Variants in FAM186A observed in about 807,000 individuals in gnomAD.
FAM186A encodes the protein protein FAM186A.
Under a neutral mutation model 216.8 loss-of-function variants are expected in FAM186A, and 163 were observed. That is an observed-to-expected ratio of 0.75 (90% confidence interval 0.66 to 0.86). The LOEUF (loss-of-function observed/expected upper bound fraction) is 0.86. Among genes scored for constraint, FAM186A ranks in the 40% least tolerant of loss-of-function variants. The pLI is 0.00. For missense variants in FAM186A, 2,184 were observed against 2,746.2 expected, an observed-to-expected ratio of 0.80 and a Z score of 4.58; for synonymous variants, 805 against 1,025.3, an observed-to-expected ratio of 0.79 and a Z score of 4.10.
rs71083561 is a variant in FAM186A at position 50,394,732 on chromosome 12, C to CTTTTTTTTTTTTTTTTTTTTTT, written c.192+1539_192+1560dup. On this transcript the variant is annotated intron_variant, in intron 1 of 7. Coordinates refer to ENST00000327337, the MANE Select transcript of FAM186A (RefSeq NM_001145475.3). ...TGAGCCACTGTGCCTGGCTAACACT[C>CTTTTTTTTTTTTTTTTTTTTTT]TTTTTTTTTTTTTTTTTTTTTTTTT... Among the ~76,000 whole-genome samples the CTTTTTTTTTTTTTTTTTTTTTT allele has an allele frequency of 8.8e-4, 26 of 29,410 alleles. 2 individuals are homozygous for CTTTTTTTTTTTTTTTTTTTTTT. The highest frequency in any genetic ancestry group is 1.0e-3 in the Non-Finnish European group (18 of 17,738). The allele number at this position is 29,410 out of a possible 152,430, so 19.3% of individuals were successfully genotyped here.
intron 4 of FAM186A, among the ~76,000 whole-genome samples, chr12:50,337,295 T>A (rs1240949816): frequency 7.1e-6 from 1 of 141,458 alleles, no homozygotes; most frequent in Non-Finnish European, 1.5e-5. Flanking sequence ...AATTCTTTTT[T>A]TTTTTTTTTT....
intron 3 of FAM186A, among the ~76,000 whole-genome samples, chr12:50,360,130 G>C (rs1943017752): frequency 6.6e-6 from 1 of 151,680 alleles, no homozygotes; most frequent in South Asian, 2.1e-4. Context: ...TGTAATCCCA[G>C]CTACTCGGGG....
At chr12:50,365,713 C>T (rs1299841947) in intron 1 of FAM186A, 6 of 748,708 alleles carry the variant, frequency 8.0e-6, no homozygotes, top group Admixed American at 6.9e-5. Context: ...CATTTCAATA[C>T]ACCTTCCCAC....
intron 4 of FAM186A, 84 bp from the exon 5 acceptor site, chr12:50,334,187 TGAGACGGAG>T: frequency 1.7e-6 from 2 of 1,171,062 alleles, no homozygotes; most frequent in Non-Finnish European, 1.2e-6. Context: ...TTTTTTTTTT[TGAGACGGAG>T]TTTCGATCTT....
At position 50,355,239 on chromosome 12, in the gene FAM186A, CTT is replaced by C; in HGVS notation, c.1591_1592del (p.Lys531GlufsTer17). The C allele has an allele frequency of 6.4e-7, 1 of 1,551,654 alleles. No homozygotes were observed. The highest frequency in any genetic ancestry group is 1.2e-5 in the South Asian group (1 of 84,060). ...TTGTTCCACTTTTGCCACCTTGGCT[CTT>C]TGTTTCAGTTAAAGAGAGATGTTTT... ...KRKHLSLTET[K>X]SQGGKSGTSM... On this transcript the variant is annotated frameshift_variant, in exon 4 of 8. Transcript: ENST00000327337. LOFTEE classifies it high-confidence loss of function.
intron 1 of FAM186A, among the ~76,000 whole-genome samples, chr12:50,392,199 CTT>C: frequency 6.6e-6 from 1 of 152,246 alleles, no homozygotes; most frequent in Middle Eastern, 3.4e-3. Context: ...CATGAAGAAA[CTT>C]TTGGGGGAAA....
Position 50,356,089 on chromosome 12 carries a change from G to C in FAM186A, c.743C>G (p.Thr248Arg), listed in dbSNP as rs1056508166. Residue 248 changes from threonine (T) to arginine (R), a missense_variant, in exon 4 of 8, where the codon ACA becomes AGA. Physicochemically the swap from Thr to Arg is moderately conservative, Grantham distance 71. Around this residue, in one of 7 missense-constraint regions of FAM186A, gnomAD observed 1,132 missense variants for 1,263.4 expected, o/e 0.90. Coordinates refer to ENST00000327337, the MANE Select transcript of FAM186A (RefSeq NM_001145475.3). The part of the protein sequence containing the change: ...QGMLQELIGT[T>R]MFSTLENNAI... ...ATTGTTTTCCAATGTACTGAACATT[G>C]TGGTGCCTATGAGTTCCTGTAGCAT... 9.0e-6 allele frequency: 14 copies of C among 1,551,554 alleles called. No individual in the cohort carries two copies. Among genetic ancestry groups the C allele is most frequent in the Non-Finnish European group, 1.2e-5 (14 of 1,146,960 alleles).
In FAM186A at chr12:50,350,365, C is replaced by T. The variant is rs188924857; in HGVS notation, c.6467G>A (p.Arg2156His). ...GATCAGCCTATAGGCAATGTACTTG[C>T]GGAATAAGTATCCCAACTGAACTGT... Reference protein sequence around the residue: ...MDTVQLGYLFRKYIAYRLIQH... With the variant: ...MDTVQLGYLFHKYIAYRLIQH... The change falls in exon 4 of 8, where the codon CGC becomes CAC. Residue 2156 changes from arginine (R) to histidine (H), a missense_variant. Physicochemically the swap from Arg to His is conservative, Grantham distance 29. Transcript: ENST00000327337. The T allele has an allele frequency of 2.6e-5, 40 of 1,550,416 alleles. 1 individual carries two copies. The highest frequency in any genetic ancestry group is 1.7e-4 in the Middle Eastern group (1 of 5,990).
At chr12:50,374,604 T>C (rs1223708360) in intron 1 of FAM186A, among the ~76,000 whole-genome samples, 1 of 152,228 alleles carries the variant, frequency 6.6e-6, no homozygotes, top group Non-Finnish European at 1.5e-5. Context: ...TCATTCATGA[T>C]TTCTAAAAGA....
At position 50,373,065 on chromosome 12, in the gene FAM186A, AAGAAAGAAAG is replaced by A. The variant is rs1347830820; in HGVS notation, c.193-9711_193-9702del. On this transcript the variant is annotated intron_variant, in intron 1 of 7. Coordinates refer to ENST00000327337, the MANE Select transcript of FAM186A (RefSeq NM_001145475.3). ...AAAGAAAGAAAGAAAGAAAGAAAGA[AAGAAAGAAAG>A]AGAAAAGAAAGAAAGAAAGAAAAGA... Among the ~76,000 whole-genome samples, 203 of 143,696 alleles carry A rather than the reference AAGAAAGAAAG, an allele frequency of 1.4e-3. 1 individual carries two copies. Among genetic ancestry groups the A allele is most frequent in the Non-Finnish European group, 2.3e-3 (148 of 65,342 alleles). 94.3% of individuals were successfully genotyped at this position (143,696 alleles called of 152,430 possible). A position where few individuals can be genotyped will look rare whatever the true frequency, so the allele number is the denominator to read the frequency against.
chr12:50,333,868 G>C, intron 5 of FAM186A, 43 bp downstream of exon 5: 1 of 1,505,744 alleles, frequency 6.6e-7, no homozygotes, highest in Non-Finnish European at 8.9e-7. Flanking sequence ...CCACTTTCAT[G>C]TTTTTACAAC....
At chr12:50,337,881 C>G (rs990099383) in intron 4 of FAM186A, among the ~76,000 whole-genome samples, 1 of 149,356 alleles carries the variant, frequency 6.7e-6, no homozygotes, top group South Asian at 2.2e-4. Context: ...GGCGACAGAG[C>G]AAGACTTCGT....
chr12:50,386,025 G>C (rs780804226), intron 1 of FAM186A, among the ~76,000 whole-genome samples: 1 of 152,146 alleles, frequency 6.6e-6, no homozygotes, highest in Non-Finnish European at 1.5e-5. Context: ...TTAGACAGGA[G>C]AAATAAGTTC....
intron 4 of FAM186A, among the ~76,000 whole-genome samples, chr12:50,349,207 A>C (rs1592605794): frequency 2.1e-5 from 3 of 143,258 alleles, no homozygotes; most frequent in African/African-American, 2.6e-5. Flanking sequence ...TATGGTAACC[A>C]TCCTTCTCTT....
intron 3 of FAM186A, among the ~76,000 whole-genome samples, chr12:50,359,669 A>G (rs754251681): frequency 6.6e-6 from 1 of 152,242 alleles, no homozygotes; most frequent in Non-Finnish European, 1.5e-5. Context: ...ATGGGTAAAC[A>G]AAATGTGGTA....
chr12:50,356,618 A>G (rs916245086), intron 3 of FAM186A, among the ~76,000 whole-genome samples: 1 of 152,172 alleles, frequency 6.6e-6, no homozygotes, highest in Non-Finnish European at 1.5e-5. Context: ...GCAATCACCT[A>G]GAACTTCTGC....
intron 1 of FAM186A, among the ~76,000 whole-genome samples, chr12:50,373,999 T>C (rs185270415): frequency 6.6e-6 from 1 of 151,976 alleles, no homozygotes; most frequent in Non-Finnish European, 1.5e-5. Flanking sequence ...ATGTCCTTTA[T>C]AAGGACATGG....
intron 4 of FAM186A, among the ~76,000 whole-genome samples, chr12:50,345,997 C>CAAAA (rs35925338): frequency 0.073 from 8,807 of 120,498 alleles, 406 homozygotes; most frequent in African/African-American, 0.098. Flanking sequence ...GACTTTGCCT[C>CAAAA]AAAAAAAAAA....
intron 1 of FAM186A, among the ~76,000 whole-genome samples, chr12:50,368,018 G>A (rs1353510430): frequency 6.6e-6 from 1 of 151,810 alleles, no homozygotes; most frequent in Non-Finnish European, 1.5e-5. Context: ...GATGGTGGGT[G>A]TTTGTAATCC....
Sources: gnomAD v4.1 joint callset for allele counts (sites outside exome capture counted in the v4.1 genomes callset) on GRCh38, gnomAD v4.1.1 for gene constraint, gnomAD v4.1.1 regional missense constraint, MANE v1.5 for transcripts, NCBI Gene and HGNC (gene_info 2026-07-23, HGNC 2026-07-21) for gene names.